The following POTEB variants were observed in gnomAD, a reference collection of about 807,000 sequenced individuals.
POTEB encodes the protein ANKRD26-like family B, member 1.
At chr15:21,854,811 G>A (rs1166393945) in intron 9 of POTEB, among the ~76,000 whole-genome samples, 1 of 145,402 alleles carries the variant, frequency 6.9e-6, no homozygotes, top group Non-Finnish European at 1.5e-5. Context: ...TACACATGTG[G>A]CATTAAAAAT....
At position 21,867,000 on chromosome 15, in the gene POTEB, G is replaced by T. The variant is rs888532111; in HGVS notation, c.944+597C>A. On this transcript the variant is annotated intron_variant, in intron 5 of 10. Coordinates refer to ENST00000439682, the MANE Select transcript of POTEB (RefSeq NM_001277304.2). ...TGTGAATCCCCATGAAGACTTGAGGGATCTGAATCAGTAAGGGCACCTTGG... is the reference window on the plus strand; with the variant it reads ...TGTGAATCCCCATGAAGACTTGAGGTATCTGAATCAGTAAGGGCACCTTGG... Among the ~76,000 whole-genome samples, 7 of 3,484 alleles carry T rather than the reference G, an allele frequency of 2.0e-3. 3 individuals carry two copies. The highest frequency in any genetic ancestry group is 2.1e-3 in the African/African-American group (7 of 3,312). The allele number at this position is 3,484 out of a possible 152,430, so 2.3% of individuals were successfully genotyped here. A position where few individuals can be genotyped will look rare whatever the true frequency, so the allele number is the denominator to read the frequency against.
intron 9 of POTEB, among the ~76,000 whole-genome samples, chr15:21,855,016 A>T (rs1484601698): frequency 6.9e-6 from 1 of 144,580 alleles, no homozygotes; most frequent in Non-Finnish European, 1.5e-5. Context: ...TCGAATATAC[A>T]AAGTAATTGA....
At chr15:21,871,397 ACACAC>A (rs1890098923) in intron 3 of POTEB, among the ~76,000 whole-genome samples, 1 of 20,390 alleles carries the variant, frequency 4.9e-5, no homozygotes, top group Non-Finnish European at 1.4e-4. Context: ...ACACACACAC[ACACAC>A]ACAAACAAAA....
At chr15:21,846,978 AG>A (rs1424918108) in intron 10 of POTEB, among the ~76,000 whole-genome samples, 1 of 115,886 alleles carries the variant, frequency 8.6e-6, no homozygotes, top group Non-Finnish European at 1.9e-5. Flanking sequence ...AAGTTCTTTA[AG>A]TTCCTTTTTC....
chr15:21,849,064 CA>C (rs1889719298), intron 9 of POTEB, among the ~76,000 whole-genome samples: 1 of 114,424 alleles, frequency 8.7e-6, no homozygotes, highest in African/African-American at 3.1e-5. Context: ...AATTTATAGA[CA>C]AATTAGAAAT....
intron 9 of POTEB, among the ~76,000 whole-genome samples, chr15:21,854,828 C>T (rs532355287): frequency 1.4e-5 from 2 of 145,356 alleles, no homozygotes; most frequent in Non-Finnish European, 3.1e-5. Flanking sequence ...AAATGCCAGA[C>T]CAAGGTGTTA....
At chr15:21,854,522 A>G (rs1347603135) in intron 9 of POTEB, among the ~76,000 whole-genome samples, 2 of 150,838 alleles carry the variant, frequency 1.3e-5, no homozygotes, top group South Asian at 2.1e-4. Flanking sequence ...TTATTACAGA[A>G]AAAAATTAGT....
intron 9 of POTEB, among the ~76,000 whole-genome samples, chr15:21,855,180 A>C (rs1347063568): frequency 6.7e-6 from 1 of 148,390 alleles, no homozygotes. Flanking sequence ...TCTCAAAGGA[A>C]AGATACTGTC....
rs1023168490 is a variant in POTEB, at chr15:21,865,266, GA to G, written c.945-181del. ...TTTCTTTAAGCTTCTAATTAAAGAA[GA>G]AAAAAAATTAGGTGAAATGCTCATA... is the stretch of plus-strand genomic sequence containing the variant. On this transcript the variant is annotated intron_variant, in intron 5 of 10. Transcript: ENST00000439682. Among the ~76,000 whole-genome samples the G allele has an allele frequency of 1.2e-4, 7 of 56,608 alleles. No individual in the cohort carries two copies. In the East Asian group the frequency reaches 1.9e-3, roughly 15 times the overall value. The allele number at this position is 56,608 out of a possible 152,430, so 37.1% of individuals were successfully genotyped here.
chr15:21,850,827 T>TTTTATATA (rs1889754075), intron 9 of POTEB, among the ~76,000 whole-genome samples: 1 of 230 alleles, frequency 4.3e-3, no homozygotes, highest in African/African-American at 5.9e-3. Flanking sequence ...ATAAAGAAAA[T>TTTTATATA]TATATATATA....
At chr15:21,871,398 C>CAAAAAAAAAA (rs1173826482) in intron 3 of POTEB, among the ~76,000 whole-genome samples, 3 of 20,108 alleles carry the variant, frequency 1.5e-4, no homozygotes, top group African/African-American at 3.2e-4. Context: ...CACACACACA[C>CAAAAAAAAAA]ACACACAAAC....
intron 9 of POTEB, among the ~76,000 whole-genome samples, chr15:21,855,182 G>C (rs1417424910): frequency 6.1e-5 from 9 of 148,334 alleles, no homozygotes; most frequent in African/African-American, 2.2e-4. Flanking sequence ...TCAAAGGAAA[G>C]ATACTGTCAC....
At chr15:21,870,400 A>AC (rs1475430285) in intron 3 of POTEB, among the ~76,000 whole-genome samples, 6 of 44,154 alleles carry the variant, frequency 1.4e-4, no homozygotes, top group South Asian at 1.0e-3. Context: ...ACAGAGTGAG[A>AC]CCCCATCTCA....
At chr15:21,871,798 C>A (rs1890115168) in intron 3 of POTEB, among the ~76,000 whole-genome samples, 1 of 33,200 alleles carries the variant, frequency 3.0e-5, no homozygotes, top group Non-Finnish European at 8.3e-5. Context: ...AAAGCATTAA[C>A]CACAAGTGCA....
At chr15:21,871,373 A>C (rs1481391814) in intron 3 of POTEB, among the ~76,000 whole-genome samples, 3 of 18,150 alleles carry the variant, frequency 1.7e-4, no homozygotes, top group African/African-American at 3.6e-4. Flanking sequence ...CAACACACAC[A>C]CACACACACA....
At chr15:21,855,335 G>A (rs1257122400) in intron 9 of POTEB, among the ~76,000 whole-genome samples, 1 of 148,182 alleles carries the variant, frequency 6.7e-6, no homozygotes, top group Non-Finnish European at 1.5e-5. Context: ...ACACAGCCAT[G>A]CTTATTCACT....
chr15:21,847,303 A>G (rs1889704883), intron 10 of POTEB, among the ~76,000 whole-genome samples: 1 of 66,198 alleles, frequency 1.5e-5, no homozygotes, highest in Non-Finnish European at 3.4e-5. Context: ...GTGCCATTGC[A>G]CTCCAGCGTG....
chr15:21,871,364 A>AACACACACACACAC (rs554170349), intron 3 of POTEB, among the ~76,000 whole-genome samples: 1 of 12,108 alleles, frequency 8.3e-5, no homozygotes, highest in African/African-American at 1.7e-4. Flanking sequence ...CAACAATAAC[A>AACACACACACACAC]ACACACACAC....
intron 9 of POTEB, among the ~76,000 whole-genome samples, chr15:21,851,672 C>A: frequency 9.4e-6 from 1 of 106,618 alleles, no homozygotes; most frequent in Non-Finnish European, 2.1e-5. Context: ...TATTATTAAC[C>A]AATTCATCCT....
Sources: allele counts gnomAD v4.1 joint callset (sites outside exome capture counted in the v4.1 genomes callset), GRCh38; gene constraint gnomAD v4.1.1; transcripts MANE v1.5; gene names NCBI Gene and HGNC (gene_info 2026-07-23, HGNC 2026-07-21).